The following ERC2 variants were observed in gnomAD, a reference collection of about 807,000 sequenced individuals.
ERC2 encodes ERC protein 2.
Under a neutral mutation model 114.8 loss-of-function variants are expected in ERC2, and 42 were observed. That is an observed-to-expected ratio of 0.37 (90% confidence interval 0.29 to 0.47). The LOEUF (loss-of-function observed/expected upper bound fraction) is 0.47, where lower values mean the gene tolerates loss of function less well. Among genes scored for constraint, ERC2 ranks in the 20% least tolerant of loss-of-function variants. The pLI, the probability that ERC2 is intolerant of heterozygous loss-of-function variation, is 0.99. For synonymous variants in ERC2, 454 were observed against 425.5 expected, an observed-to-expected ratio of 1.07 and a Z score of -0.82; for missense variants, 939 against 1,150.7, an observed-to-expected ratio of 0.82 and a Z score of 2.66.
chr3:55,510,771 C>T lies in ERC2; in HGVS notation c.*545G>A, dbSNP rs2052018728. 6.6e-6 allele frequency: 1 copy of T among 152,276 alleles called. No homozygotes were observed. The highest frequency in any genetic ancestry group is 2.4e-5 in the African/African-American group (1 of 41,424). The allele number at this position is 152,276 out of a possible 1,614,324, so 9.4% of individuals were successfully genotyped here. ...CACTCCATGCATCATGGTATACAAACACTGCCAACACCACTCACTCACAGC... is the reference window on the plus strand; with the variant it reads ...CACTCCATGCATCATGGTATACAAATACTGCCAACACCACTCACTCACAGC... On this transcript the variant is annotated 3_prime_UTR_variant, in exon 18 of 18. Coordinates refer to ENST00000288221, the MANE Select transcript of ERC2 (RefSeq NM_015576.3).
chr3:55,601,682 G>A (rs2058413011), intron 17 of ERC2, among the ~76,000 whole-genome samples: 1 of 152,184 alleles, frequency 6.6e-6, no homozygotes, highest in African/African-American at 2.4e-5. Context: ...TAAAGAGCCG[G>A]GGAGCCGGGT....
intron 2 of ERC2, among the ~76,000 whole-genome samples, chr3:56,377,087 C>T (rs1056676631): frequency 3.3e-5 from 5 of 152,028 alleles, no homozygotes; most frequent in African/African-American, 7.2e-5. Context: ...CCTGTTTCTC[C>T]GATTAGAGGC....
chr3:56,088,994 A>G (rs894698499), intron 6 of ERC2, among the ~76,000 whole-genome samples: 14 of 152,272 alleles, frequency 9.2e-5, no homozygotes, highest in Admixed American at 7.9e-4. Context: ...AGAACCAGCA[A>G]ATAAGGTTTT....
chr3:56,300,280 CAAAAAAA>C (rs200816892), intron 2 of ERC2, among the ~76,000 whole-genome samples: 6 of 93,212 alleles, frequency 6.4e-5, no homozygotes, highest in South Asian at 6.5e-4. Context: ...TCATGAAATA[CAAAAAAA>C]AAAAAAAAGA....
intron 15 of ERC2, among the ~76,000 whole-genome samples, chr3:55,721,300 C>T (rs1255669741): frequency 6.6e-6 from 1 of 152,178 alleles, no homozygotes; most frequent in Non-Finnish European, 1.5e-5. Context: ...AACAAAGGCA[C>T]AACACTGTGC....
At chr3:55,876,167 A>C (rs889439318) in intron 14 of ERC2, among the ~76,000 whole-genome samples, 1 of 152,206 alleles carries the variant, frequency 6.6e-6, no homozygotes, top group Non-Finnish European at 1.5e-5. Flanking sequence ...GTCTTCATTG[A>C]CATGGATCCT....
At chr3:55,936,515 A>G (rs2066455482) in intron 13 of ERC2, among the ~76,000 whole-genome samples, 1 of 152,232 alleles carries the variant, frequency 6.6e-6, no homozygotes, top group Non-Finnish European at 1.5e-5. Context: ...AAGAAAGACA[A>G]GAACTATTAA....
At chr3:56,019,246 T>C (rs148557197) in intron 7 of ERC2, among the ~76,000 whole-genome samples, 1,689 of 152,242 alleles carry the variant, frequency 0.011, 6 homozygotes, top group African/African-American at 0.022. Context: ...AGGAGCAGAG[T>C]ATCTCCCTCC....
At chr3:56,258,504 A>C (rs1416429343) in intron 3 of ERC2, among the ~76,000 whole-genome samples, 1 of 152,172 alleles carries the variant, frequency 6.6e-6, no homozygotes, top group Non-Finnish European at 1.5e-5. Flanking sequence ...AATACAAAAA[A>C]TTAGCCGGGC....
chr3:56,394,684 A>C (rs1169331154), intron 2 of ERC2, among the ~76,000 whole-genome samples: 1 of 152,198 alleles, frequency 6.6e-6, no homozygotes, highest in Non-Finnish European at 1.5e-5. Context: ...AATACCCCCT[A>C]GTACGGCTAT....
intron 17 of ERC2, among the ~76,000 whole-genome samples, chr3:55,625,614 G>C (rs191055685): frequency 1.6e-3 from 242 of 152,160 alleles, no homozygotes; most frequent in Non-Finnish European, 2.8e-3. Flanking sequence ...AGCCGGGCGT[G>C]GTGGCGGGCG....
chr3:55,602,205 G>A (rs1358283623), intron 17 of ERC2, among the ~76,000 whole-genome samples: 16 of 152,156 alleles, frequency 1.1e-4, no homozygotes, highest in Non-Finnish European at 4.4e-5. Flanking sequence ...AGAATCTGCC[G>A]TCAAACTGCG....
At chr3:56,032,933 A>C (rs1460490133) in intron 7 of ERC2, among the ~76,000 whole-genome samples, 35 of 98,654 alleles carry the variant, frequency 3.5e-4, no homozygotes, top group Non-Finnish European at 5.3e-4. Flanking sequence ...GAAAGAAAGA[A>C]AGAAAGAAAG....
chr3:55,936,791 A>T (rs1421632043), intron 13 of ERC2, among the ~76,000 whole-genome samples: 1 of 152,226 alleles, frequency 6.6e-6, no homozygotes. Flanking sequence ...AGGTCTTTAC[A>T]GAGCCCTCAC....
intron 17 of ERC2, among the ~76,000 whole-genome samples, chr3:55,535,190 C>G (rs1251322425): frequency 6.6e-6 from 1 of 152,144 alleles, no homozygotes; most frequent in Non-Finnish European, 1.5e-5. Flanking sequence ...AAACATGTTC[C>G]CCTTCATCTT....
Position 56,159,803 on chromosome 3 carries a change from C to T in ERC2, c.1150-10671G>A, listed in dbSNP as rs564387499. Reference sequence around the variant, plus strand: ...TTAATTCACTTAGGATAATGGCCTCCAGCTGCATCCATGTTGCTGCAAAGG... The same window carrying T: ...TTAATTCACTTAGGATAATGGCCTCTAGCTGCATCCATGTTGCTGCAAAGG... On this transcript the variant is annotated intron_variant, in intron 4 of 17. Coordinates refer to ENST00000288221, the MANE Select transcript of ERC2 (RefSeq NM_015576.3). Among the ~76,000 whole-genome samples the T allele has an allele frequency of 2.6e-5, 4 of 152,272 alleles. No individual in the cohort carries two copies. In the South Asian group the frequency reaches 6.2e-4, roughly 24 times the overall value.
chr3:55,835,381 A>T (rs1163879878), intron 14 of ERC2, among the ~76,000 whole-genome samples: 1 of 152,186 alleles, frequency 6.6e-6, no homozygotes, highest in East Asian at 1.9e-4. Flanking sequence ...GAATCCAGCA[A>T]CACATCAAAA....
At chr3:55,590,068 C>T (rs981282024) in intron 17 of ERC2, among the ~76,000 whole-genome samples, 1 of 152,122 alleles carries the variant, frequency 6.6e-6, no homozygotes, top group Non-Finnish European at 1.5e-5. Context: ...TAAGACAATA[C>T]ATTTTTTTGA....
intron 17 of ERC2, among the ~76,000 whole-genome samples, chr3:55,589,449 G>A (rs561326642): frequency 1.2e-4 from 18 of 152,244 alleles, no homozygotes; most frequent in Admixed American, 6.5e-4. Context: ...ATGACTACAC[G>A]GGGAATGTTG....
Sources: allele counts gnomAD v4.1 joint callset (sites outside exome capture counted in the v4.1 genomes callset), GRCh38; gene constraint gnomAD v4.1.1; transcripts MANE v1.5; gene names NCBI Gene and HGNC (gene_info 2026-07-23, HGNC 2026-07-21).